CACNB1: variants seen among roughly 807,000 people sequenced by gnomAD.
CACNB1 encodes calcium voltage-gated channel auxiliary subunit beta 1.
CACNB1 carries 29 observed loss-of-function variants against 71.6 expected under a neutral mutation model. The ratio of observed to expected loss-of-function variants is 0.40; its 90% confidence interval spans 0.30 to 0.55. The LOEUF (loss-of-function observed/expected upper bound fraction) is 0.55. CACNB1 is among the 20% of genes least tolerant of loss of function. CACNB1 has a pLI of 0.38. For synonymous variants in CACNB1, 300 were observed against 319.6 expected (o/e 0.94, Z 0.65); for missense variants, 623 against 801.8 (o/e 0.78, Z 2.69).
chr17:39,180,063 G>A (rs1467841868), intron 11 of CACNB1, among the ~76,000 whole-genome samples: 10 of 151,742 alleles, frequency 6.6e-5, no homozygotes, highest in African/African-American at 1.2e-4. Flanking sequence ...TCAGGAGTTC[G>A]AGACCAGCCA....
chr17:39,175,114 A>T lies in CACNB1; in HGVS notation c.*79T>A. On this transcript the variant is annotated 3_prime_UTR_variant, in exon 14 of 14. Transcript: ENST00000394303. This position sits in a 1 kb window ranked among gnomAD's most constrained non-coding sequence, Gnocchi z 4.7. ...GAGACAGCGCCCCCTGGAGGCGAAT[A>T]CATGTCAGGTGTGAGCCCCTCGCTC... 1 of 1,156,328 alleles carries T rather than the reference A, an allele frequency of 8.6e-7. No individual in the cohort carries two copies. Among genetic ancestry groups the T allele is most frequent in the Non-Finnish European group, 1.2e-6 (1 of 804,580 alleles). The allele number at this position is 1,156,328 out of a possible 1,614,324, so 71.6% of individuals were successfully genotyped here.
rs376315334 is a variant in CACNB1, at chr17:39,191,564, T to A, written c.201A>T (p.Pro67=). ...QGSAESYTSR[P]SDSDVSLEED... is the part of the protein sequence containing the mutation. ...CCTCCAGAGATACATCAGAGTCTGA[T>A]GGACGGCTGGTGTAGGACTCCGCTG... Residue 67 remains proline, a synonymous_variant, in exon 3 of 14, where the codon CCA becomes CCT. Coordinates refer to ENST00000394303, the MANE Select transcript of CACNB1 (RefSeq NM_000723.5). The A allele has an allele frequency of 6.2e-7, 1 of 1,610,852 alleles. No individual in the cohort carries two copies. The highest frequency in any genetic ancestry group is 8.5e-7 in the Non-Finnish European group (1 of 1,178,972).
chr17:39,188,134 T>G (rs2144148589), intron 3 of CACNB1, among the ~76,000 whole-genome samples: 1 of 151,604 alleles, frequency 6.6e-6, no homozygotes. Flanking sequence ...TACAAAAAAA[T>G]TAGCTGGGCA....
chr17:39,184,260 C>A, intron 9 of CACNB1, 65 bp downstream of exon 9: 2 of 1,286,414 alleles, frequency 1.6e-6, no homozygotes, highest in Non-Finnish European at 2.2e-6. Flanking sequence ...TGATTCGAGG[C>A]ATCCTGCCCA....
At position 39,183,819 on chromosome 17, in the gene CACNB1, G is replaced by C; in HGVS notation, c.944C>G (p.Thr315Ser). Residue 315 changes from threonine (T) to serine (S), a missense_variant, in exon 11 of 14, where the codon ACC (threonine) becomes AGC (serine). Physicochemically the swap from Thr to Ser is moderately conservative, Grantham distance 58. Coordinates refer to ENST00000394303, the MANE Select transcript of CACNB1 (RefSeq NM_000723.5). Reference sequence around the variant, plus strand: ...AGCATCCAGAGCGACCAACTGAAGGGTCCGGGCCAGCTCGAAGATTCGCTC... The same window carrying C: ...AGCATCCAGAGCGACCAACTGAAGGCTCCGGGCCAGCTCGAAGATTCGCTC... The part of the protein sequence containing the change: ...EIERIFELAR[T>S]LQLVALDADT... The C allele has an allele frequency of 6.2e-7, 1 of 1,614,042 alleles. No individual in the cohort carries two copies. The highest frequency in any genetic ancestry group is 8.5e-7 in the Non-Finnish European group (1 of 1,179,956).
chr17:39,184,848 G>T lies in CACNB1; in HGVS notation c.665C>A (p.Pro222His), dbSNP rs748339655. 38 of 1,604,666 alleles carry T rather than the reference G, an allele frequency of 2.4e-5. No homozygotes were observed. Among genetic ancestry groups the T allele is most frequent in the African/African-American group, 5.4e-5 (4 of 74,626 alleles). Reference sequence around the variant, plus strand: ...CCTCATGGAAGGCACCACGTCATAGGGGGGCACATGCTCTGTCTGGGGGGG... The same window carrying T: ...CCTCATGGAAGGCACCACGTCATAGTGGGGCACATGCTCTGTCTGGGGGGG... ...QKQKSTEHVP[P>H]YDVVPSMRPI... Residue 222 changes from proline to histidine, a missense_variant, in exon 8 of 14, where the codon CCC (proline) becomes CAC (histidine). Pro to His is a moderately conservative substitution (Grantham distance 77, BLOSUM62 -2). Transcript: ENST00000394303.
intron 13 of CACNB1, 92 bp downstream of exon 13, chr17:39,177,258 T>C (rs1251597320): frequency 3.7e-6 from 6 of 1,600,518 alleles, no homozygotes; most frequent in Non-Finnish European, 5.1e-6. Context: ...CATGGCATGT[T>C]CCTGCTCCTG....
At chr17:39,180,818 T>A (rs941868450) in intron 11 of CACNB1, among the ~76,000 whole-genome samples, 1 of 152,028 alleles carries the variant, frequency 6.6e-6, no homozygotes, top group African/African-American at 2.4e-5. Context: ...GCTCAAGTGA[T>A]CCACCTGCCT....
At position 39,184,925 on chromosome 17, in the gene CACNB1, C is replaced by G. The variant is rs2045895286; in HGVS notation, c.649-61G>C. The G allele has an allele frequency of 6.4e-6, 8 of 1,243,142 alleles. No individual in the cohort carries two copies. In the Admixed American group the frequency reaches 1.2e-4, roughly 18 times the overall value. The allele number at this position is 1,243,142 out of a possible 1,614,324, so 77.0% of individuals were successfully genotyped here. ...GGAGATGACATTAGATCCTCTCCCC[C>G]AGACTCCAGGCTCCCCCATGCAGCC... On this transcript the variant is annotated intron_variant, in intron 7 of 13. Transcript: ENST00000394303.
chr17:39,184,952 T>A (rs1227724115), intron 7 of CACNB1, 88 bp from the exon 8 acceptor site: 54 of 1,076,836 alleles, frequency 5.0e-5, no homozygotes, highest in Non-Finnish European at 7.6e-5. Flanking sequence ...CATGCAGCCT[T>A]CCCCCACCCT....
In CACNB1 at chr17:39,197,586, G is replaced by T; in HGVS notation, c.-91C>A. ...CCGTGGGAGCCGAAAGCAGCGCGGC[G>T]CAGCCAGCACCCGGTCCAGCCACCC... On this transcript the variant is annotated 5_prime_UTR_variant, in exon 1 of 14. Coordinates refer to ENST00000394303, the MANE Select transcript of CACNB1 (RefSeq NM_000723.5). The T allele has an allele frequency of 1.0e-6, 1 of 992,112 alleles. No homozygotes were observed. Among genetic ancestry groups the T allele is most frequent in the Non-Finnish European group, 1.4e-6 (1 of 692,914 alleles). 61.5% of individuals were successfully genotyped at this position (992,112 alleles called of 1,614,324 possible).
chr17:39,180,806 G>C (rs1015293562), intron 11 of CACNB1, among the ~76,000 whole-genome samples: 1 of 151,946 alleles, frequency 6.6e-6, no homozygotes, highest in Non-Finnish European at 1.5e-5. Context: ...TCCAACTCCT[G>C]AGCTCAAGTG....
intron 12 of CACNB1, 98 bp downstream of exon 12, chr17:39,177,886 G>C: frequency 1.0e-6 from 1 of 957,998 alleles, no homozygotes; most frequent in Non-Finnish European, 1.7e-6. Flanking sequence ...GCCTGACCCA[G>C]GTGTTCCTGG....
In CACNB1 at chr17:39,175,087, G is replaced by T; in HGVS notation, c.*106C>A. The T allele has an allele frequency of 1.1e-6, 1 of 925,434 alleles. No homozygotes were observed. The highest frequency in any genetic ancestry group is 1.6e-5 in the South Asian group (1 of 62,532). 57.3% of individuals were successfully genotyped at this position (925,434 alleles called of 1,614,324 possible). ...CTTTGAGCAAAGGCATCTGAAAGGA[G>T]GGAGACAGCGCCCCCTGGAGGCGAA... is the stretch of plus-strand genomic sequence containing the variant. On this transcript the variant is annotated 3_prime_UTR_variant, in exon 14 of 14. Coordinates refer to ENST00000394303, the MANE Select transcript of CACNB1 (RefSeq NM_000723.5). This position sits in a 1 kb window ranked among gnomAD's most constrained non-coding sequence, Gnocchi z 4.7.
intron 2 of CACNB1, chr17:39,192,161 C>G (rs1567811663): frequency 6.3e-6 from 1 of 157,698 alleles, no homozygotes; most frequent in Non-Finnish European, 1.4e-5. Context: ...CTGCCAGAAT[C>G]AAACTTCACT....
At chr17:39,184,945 G>T in intron 7 of CACNB1, 81 bp from the exon 8 acceptor site, 3 of 1,129,286 alleles carry the variant, frequency 2.7e-6, no homozygotes, top group Non-Finnish European at 4.1e-6. Flanking sequence ...GCTCCCCCAT[G>T]CAGCCTTCCC....
chr17:39,190,071 G>A (rs371189599), intron 3 of CACNB1, among the ~76,000 whole-genome samples: 13 of 151,644 alleles, frequency 8.6e-5, no homozygotes, highest in East Asian at 3.9e-4. Flanking sequence ...AGCCGAGATC[G>A]CACCACTGTA....
At chr17:39,195,234 C>CTG (rs2046178990) in intron 1 of CACNB1, 2 of 375,100 alleles carry the variant, frequency 5.3e-6, no homozygotes, top group Non-Finnish European at 9.6e-6. Context: ...CAAACCAAGC[C>CTG]AGAGAGGCTG....
chr17:39,188,636 T>TA (rs2046000248), intron 3 of CACNB1, among the ~76,000 whole-genome samples: 2 of 151,450 alleles, frequency 1.3e-5, no homozygotes, highest in Non-Finnish European at 2.9e-5. Context: ...ACTTTTACAA[T>TA]AAAAAACAAG....
Sources: allele counts gnomAD v4.1 joint callset (sites outside exome capture counted in the v4.1 genomes callset), GRCh38; gene constraint gnomAD v4.1.1; non-coding constraint Gnocchi (gnomAD v3.1); transcripts MANE v1.5; gene names NCBI Gene and HGNC (gene_info 2026-07-23, HGNC 2026-07-21).